Variants in CFAP95 observed in about 807,000 individuals in gnomAD.
CFAP95 encodes cilia- and flagella-associated protein 95.
the CFAP95 span, among the ~76,000 whole-genome samples, chr9:69,881,040 G>T: frequency 6.6e-6 from 1 of 151,916 alleles, no homozygotes; most frequent in Admixed American, 6.6e-5. Flanking sequence ...AGTTGTTTGA[G>T]CTCTTTATAT....
At chr9:69,843,560 TC>T in the CFAP95 span, among the ~76,000 whole-genome samples, 1 of 9,122 alleles carries the variant, frequency 1.1e-4, no homozygotes, top group Non-Finnish European at 1.7e-4. Context: ...TCCTCCTCCT[TC>T]TTCTTCTTCT....
the CFAP95 span, among the ~76,000 whole-genome samples, chr9:69,855,853 T>C: frequency 3.3e-5 from 5 of 152,156 alleles, no homozygotes; most frequent in African/African-American, 4.8e-5. Context: ...ACAGAAAGTC[T>C]AGTGGTATTA....
chr9:69,836,558 C>T, the CFAP95 span, among the ~76,000 whole-genome samples: 1 of 152,054 alleles, frequency 6.6e-6, no homozygotes, highest in African/African-American at 2.4e-5. Context: ...TTTTTCACGA[C>T]CCATCAATGT....
At chr9:69,830,772 C>T in the CFAP95 span, among the ~76,000 whole-genome samples, 20,588 of 152,080 alleles carry the variant, frequency 0.14, 1,502 homozygotes, top group East Asian at 0.28. Context: ...CCCAGCCTTC[C>T]AAGCAGCTGG....
chr9:69,856,750 G>C, the CFAP95 span: 13 of 906,440 alleles, frequency 1.4e-5, no homozygotes, highest in Non-Finnish European at 2.3e-5. Context: ...AAAAGGTATA[G>C]TGACCCCAGT....
the CFAP95 span, among the ~76,000 whole-genome samples, chr9:69,872,747 G>A: frequency 6.6e-6 from 1 of 152,152 alleles, no homozygotes; most frequent in East Asian, 1.9e-4. Flanking sequence ...CATGTTGAGA[G>A]GTTGAGGTGG....
chr9:69,832,868 G>T, the CFAP95 span, among the ~76,000 whole-genome samples: 2 of 151,566 alleles, frequency 1.3e-5, no homozygotes, highest in East Asian at 1.9e-4. Flanking sequence ...TTTCTACTGG[G>T]GGCGTTGGGA....
the CFAP95 span, among the ~76,000 whole-genome samples, chr9:69,841,499 A>G: frequency 6.6e-6 from 1 of 152,100 alleles, no homozygotes; most frequent in East Asian, 1.9e-4. Flanking sequence ...CAGCAAATGA[A>G]GAATTCATGG....
At chr9:69,891,929 T>A in the CFAP95 span, among the ~76,000 whole-genome samples, 1 of 152,184 alleles carries the variant, frequency 6.6e-6, no homozygotes, top group South Asian at 2.1e-4. Context: ...TATGCCCTAT[T>A]TTAAGACCAA....
At chr9:69,822,182 A>G in the CFAP95 span, among the ~76,000 whole-genome samples, 3 of 152,278 alleles carry the variant, frequency 2.0e-5, no homozygotes, top group South Asian at 6.2e-4. Context: ...GAGGGGCGTG[A>G]AGAAAAAAAA....
the CFAP95 span, among the ~76,000 whole-genome samples, chr9:69,875,971 T>C: frequency 0.036 from 5,484 of 152,266 alleles, 140 homozygotes; most frequent in Middle Eastern, 0.085. Flanking sequence ...TAAGAGTTTC[T>C]TTATACACCA....
At chr9:69,842,898 C>T in the CFAP95 span, among the ~76,000 whole-genome samples, 1 of 152,188 alleles carries the variant, frequency 6.6e-6, no homozygotes, top group Non-Finnish European at 1.5e-5. Context: ...GGTTCTACTG[C>T]AGAGCTCTGC....
chr9:69,873,354 T>C, the CFAP95 span, among the ~76,000 whole-genome samples: 1 of 152,206 alleles, frequency 6.6e-6, no homozygotes, highest in African/African-American at 2.4e-5. Context: ...CTGTGGCTAA[T>C]TCAGCAGGTA....
the CFAP95 span, chr9:69,856,663 A>G: frequency 2.5e-6 from 4 of 1,606,484 alleles, no homozygotes; most frequent in East Asian, 2.2e-5. Flanking sequence ...GAGCTCCGGG[A>G]TTATCGAAAG....
chr9:69,823,053 A>C, the CFAP95 span, among the ~76,000 whole-genome samples: 2 of 152,096 alleles, frequency 1.3e-5, no homozygotes, highest in Non-Finnish European at 2.9e-5. Context: ...AATACTGGAG[A>C]CTGGGTAATT....
the CFAP95 span, among the ~76,000 whole-genome samples, chr9:69,876,625 T>A: frequency 2.0e-5 from 3 of 152,162 alleles, no homozygotes; most frequent in Non-Finnish European, 2.9e-5. Flanking sequence ...TTGGTTAGAT[T>A]TATTTCATTT....
chr9:69,893,251 A>G, the CFAP95 span, among the ~76,000 whole-genome samples: 1 of 152,168 alleles, frequency 6.6e-6, no homozygotes, highest in Non-Finnish European at 1.5e-5. Context: ...CAAGGAGTTG[A>G]GAGCTGTGGG....
At chr9:69,877,460 G>GT in the CFAP95 span, among the ~76,000 whole-genome samples, 1 of 152,032 alleles carries the variant, frequency 6.6e-6, no homozygotes, top group Non-Finnish European at 1.5e-5. Flanking sequence ...ATTATTTTAC[G>GT]TTTTTCCACA....
chr9:69,905,839 T>C, the CFAP95 span: 1 of 757,280 alleles, frequency 1.3e-6, no homozygotes, highest in East Asian at 3.3e-5. Flanking sequence ...AATTAATCAA[T>C]TGTTAAAAAT....
Sources: gnomAD v4.1 joint callset for allele counts (sites outside exome capture counted in the v4.1 genomes callset) on GRCh38, gnomAD v4.1.1 for gene constraint, MANE v1.5 for transcripts, NCBI Gene and HGNC (gene_info 2026-07-23, HGNC 2026-07-21) for gene names.